Variants in CELF6 observed in about 807,000 individuals in gnomAD.
The protein encoded by CELF6 is Bruno -like 6, RNA binding protein.
Under a neutral mutation model 53.1 loss-of-function variants are expected in CELF6, and 32 were observed. The ratio of observed to expected loss-of-function variants is 0.60; its 90% confidence interval spans 0.46 to 0.81. The LOEUF (loss-of-function observed/expected upper bound fraction) is 0.81. Among genes scored for constraint, CELF6 ranks in the 30% least tolerant of loss-of-function variants. The pLI is 0.00. For missense variants in CELF6, 539 were observed against 669.5 expected (o/e 0.81, Z 2.15); for synonymous variants, 291 against 288.8 (o/e 1.01, Z -0.08).
chr15:72,289,834 G>A lies in CELF6; in HGVS notation c.604-64C>T, dbSNP rs1030473807. 2.0e-6 allele frequency: 3 copies of A among 1,478,722 alleles called. No homozygotes were observed. The East Asian group carries it at 7.4e-5, about 37-fold the overall frequency. The allele number at this position is 1,478,722 out of a possible 1,614,324, so 91.6% of individuals were successfully genotyped here. A position where few individuals can be genotyped will look rare whatever the true frequency, so the allele number is the denominator to read the frequency against. On this transcript the variant is annotated intron_variant, in intron 5 of 12. Coordinates refer to ENST00000287202, the MANE Select transcript of CELF6 (RefSeq NM_052840.5). This position sits in a 1 kb window ranked among gnomAD's most constrained non-coding sequence, Gnocchi z 7.6. ...CCCTGGCCCCGGCCCGGGGCCGAGC[G>A]CCTTTCCCATCAGGTCCTTTCGCGG...
intron 3 of CELF6, 53 bp from the exon 4 acceptor site, chr15:72,290,308 G>T: frequency 6.3e-7 from 1 of 1,575,876 alleles, no homozygotes; most frequent in South Asian, 1.1e-5. Context: ...CTAGACCCCC[G>T]AGAGTAGCCT....
At chr15:72,314,589 GTTTTT>G (rs984879836) in intron 2 of CELF6, among the ~76,000 whole-genome samples, 3 of 97,842 alleles carry the variant, frequency 3.1e-5, no homozygotes, top group Admixed American at 1.2e-4. Context: ...AAAACCCAGT[GTTTTT>G]TTTTTTTTTT....
intron 2 of CELF6, among the ~76,000 whole-genome samples, chr15:72,305,858 T>G (rs1168300331): frequency 4.0e-5 from 6 of 148,674 alleles, no homozygotes; most frequent in African/African-American, 1.3e-4. Flanking sequence ...TCATTTGTTT[T>G]TTTTTTTTTT....
chr15:72,294,159 G>C (rs2088044460), intron 3 of CELF6, among the ~76,000 whole-genome samples: 1 of 152,204 alleles, frequency 6.6e-6, no homozygotes, highest in Non-Finnish European at 1.5e-5. Flanking sequence ...TACTTCTTCA[G>C]AAAGGGCACC....
chr15:72,319,902 G>T lies in CELF6; in HGVS notation c.-28C>A. The T allele has an allele frequency of 7.0e-7, 1 of 1,437,980 alleles. No homozygotes were observed. The highest frequency in any genetic ancestry group is 9.1e-7 in the Non-Finnish European group (1 of 1,101,190). 89.1% of individuals were successfully genotyped at this position (1,437,980 alleles called of 1,614,324 possible). On this transcript the variant is annotated 5_prime_UTR_variant, in exon 1 of 13. Transcript: ENST00000287202. This position sits in a 1 kb window ranked among gnomAD's most constrained non-coding sequence, Gnocchi z 5.0. ...CCCCGCCCTGTCAGCCCTCCCGCCG[G>T]TCCCACTGGTCCCGCCTGTCCCGCC...
At chr15:72,294,815 TA>T (rs2088054296) in intron 3 of CELF6, among the ~76,000 whole-genome samples, 1 of 150,952 alleles carries the variant, frequency 6.6e-6, no homozygotes, top group South Asian at 2.1e-4. Context: ...CTGTCTCTAC[TA>T]AAAATGCAAA....
chr15:72,292,303 C>T, intron 3 of CELF6: 3 of 1,424,498 alleles, frequency 2.1e-6, no homozygotes, highest in Non-Finnish European at 2.8e-6. Context: ...AGTCTCTCAA[C>T]CAATCTGATG....
intron 11 of CELF6, among the ~76,000 whole-genome samples, 198 bp from the exon 12 acceptor site, chr15:72,287,590 C>A (rs2087939256): frequency 6.6e-6 from 1 of 152,224 alleles, no homozygotes; most frequent in African/African-American, 2.4e-5. Flanking sequence ...GGATAGGAAG[C>A]AACTCTGAGT....
intron 1 of CELF6, among the ~76,000 whole-genome samples, chr15:72,318,054 G>C (rs944833854): frequency 6.6e-6 from 1 of 152,188 alleles, no homozygotes; most frequent in African/African-American, 2.4e-5. Flanking sequence ...TTATTGTACG[G>C]ATGGCCTACA....
At chr15:72,306,554 T>C (rs1259172520) in intron 2 of CELF6, among the ~76,000 whole-genome samples, 1 of 79,076 alleles carries the variant, frequency 1.3e-5, no homozygotes, top group Admixed American at 1.3e-4. Context: ...GAGGGCTTAC[T>C]AAAAAAAAAA....
rs956035762 is a variant in CELF6 at position 72,307,038 on chromosome 15, A to C, written c.346-2244T>G. ...GAGGCAGGGAGGAGCCTGGTAGGGAAGAAGGCCAAAAGAGTAGAAGCCTGG... is the reference window on the plus strand; with the variant it reads ...GAGGCAGGGAGGAGCCTGGTAGGGACGAAGGCCAAAAGAGTAGAAGCCTGG... On this transcript the variant is annotated intron_variant, in intron 2 of 12. Coordinates refer to ENST00000287202, the MANE Select transcript of CELF6 (RefSeq NM_052840.5). 2.0e-5 allele frequency among the ~76,000 whole-genome samples: 3 copies of C among 151,996 alleles called. No homozygotes were observed. The East Asian group carries it at 5.8e-4, about 29-fold the overall frequency.
intron 1 of CELF6, among the ~76,000 whole-genome samples, chr15:72,316,462 A>T (rs1390453492): frequency 6.6e-6 from 1 of 152,134 alleles, no homozygotes; most frequent in Non-Finnish European, 1.5e-5. Context: ...GAATGGATTG[A>T]TTTGAGACTT....
chr15:72,307,264 C>G (rs1022884296), intron 2 of CELF6, among the ~76,000 whole-genome samples: 2 of 152,112 alleles, frequency 1.3e-5, no homozygotes, highest in Non-Finnish European at 1.5e-5. Flanking sequence ...ACTTCCCCAC[C>G]CTTCAACAGA....
rs1281916113 is a variant in CELF6 at position 72,287,296 on chromosome 15, T to C, written c.1415A>G (p.Lys472Arg). ...AGGCCGGTTGGCATCCTTGGGCCGC[T>C]TTAGCTGGACCTTGAGCCTCTTCAT... is the stretch of plus-strand genomic sequence containing the variant. The part of the protein sequence containing the change: ...IGMKRLKVQL[K>R]RPKDANRPY Residue 472 changes from lysine (K) to arginine (R), a missense_variant, in exon 12 of 13, where the codon AAG becomes AGG. Transcript: ENST00000287202. 6.2e-7 allele frequency: 1 copy of C among 1,614,200 alleles called. No homozygotes were observed. Among genetic ancestry groups the C allele is most frequent in the Admixed American group, 1.7e-5 (1 of 60,032 alleles).
intron 1 of CELF6, among the ~76,000 whole-genome samples, chr15:72,318,373 A>G (rs2088386959): frequency 6.6e-6 from 1 of 152,200 alleles, no homozygotes; most frequent in Non-Finnish European, 1.5e-5. Flanking sequence ...GTCCTTAGGA[A>G]TGTACCTTTA....
chr15:72,287,487 C>T, intron 11 of CELF6, 95 bp from the exon 12 acceptor site: 1 of 1,437,462 alleles, frequency 7.0e-7, no homozygotes, highest in Non-Finnish European at 9.6e-7. Context: ...CCCCGTCAGG[C>T]CAGTTCCATC....
rs559279923 is a variant in CELF6 at position 72,293,936 on chromosome 15, C to T, written c.395-3681G>A. 5.0e-3 allele frequency among the ~76,000 whole-genome samples: 438 copies of T among 87,304 alleles called. 5 individuals carry two copies. Among genetic ancestry groups the T allele is most frequent in the East Asian group, 4.2e-3 (12 of 2,878 alleles). 57.3% of individuals were successfully genotyped at this position (87,304 alleles called of 152,430 possible). A position where few individuals can be genotyped will look rare whatever the true frequency, so the allele number is the denominator to read the frequency against. On this transcript the variant is annotated intron_variant, in intron 3 of 12. Coordinates refer to ENST00000287202, the MANE Select transcript of CELF6 (RefSeq NM_052840.5). ...CTCAAACTCCTGACCTCAGGTGATC[C>T]GCCCGCCCAGGCCTCCCACAGTGCT...
At chr15:72,302,455 A>G (rs569453685) in intron 3 of CELF6, among the ~76,000 whole-genome samples, 3 of 152,324 alleles carry the variant, frequency 2.0e-5, no homozygotes, top group Admixed American at 2.0e-4. Flanking sequence ...AAACAGGTGT[A>G]TAGGTGGAAA....
intron 3 of CELF6, among the ~76,000 whole-genome samples, chr15:72,303,489 G>A (rs145472684): frequency 9.8e-5 from 15 of 152,326 alleles, no homozygotes; most frequent in Non-Finnish European, 2.2e-4. Flanking sequence ...AAAGTCACCA[G>A]AACTCTGTGT....
Sources: gnomAD v4.1 joint callset for allele counts (sites outside exome capture counted in the v4.1 genomes callset) on GRCh38, gnomAD v4.1.1 for gene constraint, Gnocchi (gnomAD v3.1) non-coding constraint, MANE v1.5 for transcripts, NCBI Gene and HGNC (gene_info 2026-07-23, HGNC 2026-07-21) for gene names.